The following GALNTL6 variants were observed in gnomAD, a reference collection of about 807,000 sequenced individuals.
The protein encoded by GALNTL6 is polypeptide N-acetylgalactosaminyltransferase-like 6.
Under a neutral mutation model 73.7 loss-of-function variants are expected in GALNTL6, and 46 were observed. That is an observed-to-expected ratio of 0.62 (90% confidence interval 0.49 to 0.80). The LOEUF is 0.80. Among genes scored for constraint, GALNTL6 ranks in the 30% least tolerant of loss-of-function variants. The pLI, the probability that GALNTL6 is intolerant of heterozygous loss-of-function variation, is 0.00. For missense variants in GALNTL6, 604 were observed against 755.0 expected, an observed-to-expected ratio of 0.80 and a Z score of 2.34; for synonymous variants, 259 against 263.7, an observed-to-expected ratio of 0.98 and a Z score of 0.17.
At chr4:172,279,284 T>A (rs1326093621) in intron 3 of GALNTL6, among the ~76,000 whole-genome samples, 23 of 152,104 alleles carry the variant, frequency 1.5e-4, no homozygotes. Flanking sequence ...AGGTAACCAT[T>A]GAAATGGGAG....
intron 5 of GALNTL6, among the ~76,000 whole-genome samples, chr4:172,661,347 G>T (rs979992670): frequency 9.9e-5 from 15 of 152,084 alleles, no homozygotes; most frequent in African/African-American, 3.1e-4. Context: ...TCAGATTTTG[G>T]ACTCATCAAG....
Position 172,315,205 on chromosome 4 carries a change from G to T in GALNTL6, c.386+3453G>T, listed in dbSNP as rs1740500297. On this transcript the variant is annotated intron_variant, in intron 4 of 12. Coordinates refer to ENST00000506823, the MANE Select transcript of GALNTL6 (RefSeq NM_001034845.3). ...AGCTTCTTACACTATCTGTGCTTTG[G>T]TATGTCAAATTTTTAATCTTTTTTT... 2.6e-5 allele frequency among the ~76,000 whole-genome samples: 4 copies of T among 152,120 alleles called. No individual in the cohort carries two copies. In the South Asian group the frequency reaches 8.3e-4, roughly 32 times the overall value.
At chr4:172,541,363 T>C (rs930700914) in intron 5 of GALNTL6, among the ~76,000 whole-genome samples, 4 of 152,220 alleles carry the variant, frequency 2.6e-5, no homozygotes, top group Non-Finnish European at 4.4e-5. Context: ...ATAACTATTA[T>C]TGGCAGAACA....
intron 2 of GALNTL6, among the ~76,000 whole-genome samples, chr4:171,959,675 A>G (rs1739162764): frequency 6.6e-6 from 1 of 152,122 alleles, no homozygotes; most frequent in Non-Finnish European, 1.5e-5. Context: ...ACACAGGGAG[A>G]CCCTATGTAA....
chr4:172,940,308 C>T (rs1579683725), intron 9 of GALNTL6, among the ~76,000 whole-genome samples: 1 of 151,434 alleles, frequency 6.6e-6, no homozygotes. Context: ...CATATGAACT[C>T]AAACCTAATT....
At chr4:172,919,371 C>G (rs79462090) in intron 8 of GALNTL6, among the ~76,000 whole-genome samples, 329 of 152,264 alleles carry the variant, frequency 2.2e-3, no homozygotes, top group Non-Finnish European at 3.7e-3. Context: ...CCTCCTGCCC[C>G]TCAGGCATGG....
chr4:172,286,063 A>C lies in GALNTL6; in HGVS notation c.248-25551A>C, dbSNP rs539394033. Among the ~76,000 whole-genome samples the C allele has an allele frequency of 2.6e-5, 4 of 152,336 alleles. No homozygotes were observed. The South Asian group carries it at 8.3e-4, about 32-fold the overall frequency. On this transcript the variant is annotated intron_variant, in intron 3 of 12. Coordinates refer to ENST00000506823, the MANE Select transcript of GALNTL6 (RefSeq NM_001034845.3). ...ATTGGAACCTTGGCTTCCTAAATCCAAATTCAATACTTTTTTACTATATCA... is the reference window on the plus strand; with the variant it reads ...ATTGGAACCTTGGCTTCCTAAATCCCAATTCAATACTTTTTTACTATATCA...
At chr4:171,836,934 T>C (rs1401310710) in intron 2 of GALNTL6, among the ~76,000 whole-genome samples, 1 of 152,148 alleles carries the variant, frequency 6.6e-6, no homozygotes, top group Admixed American at 6.6e-5. Context: ...GAGAAATCAA[T>C]GTGCATTCAT....
intron 2 of GALNTL6, among the ~76,000 whole-genome samples, chr4:172,217,988 A>G (rs1434002307): frequency 6.6e-6 from 1 of 152,022 alleles, no homozygotes; most frequent in East Asian, 1.9e-4. Flanking sequence ...CTTTATATAG[A>G]GGCTATGTCT....
At chr4:172,858,790 C>T (rs748576824) in intron 7 of GALNTL6, among the ~76,000 whole-genome samples, 1 of 152,042 alleles carries the variant, frequency 6.6e-6, no homozygotes, top group Non-Finnish European at 1.5e-5. Context: ...AAAATGGCCC[C>T]ACTCAAAGAT....
At chr4:172,075,257 A>AT (rs1294375105) in intron 2 of GALNTL6, among the ~76,000 whole-genome samples, 2 of 151,836 alleles carry the variant, frequency 1.3e-5, no homozygotes, top group South Asian at 2.1e-4. Flanking sequence ...ATATTATAGG[A>AT]TTTTTTTTCT....
chr4:172,133,549 T>G (rs1291134196), intron 2 of GALNTL6, among the ~76,000 whole-genome samples: 2 of 152,198 alleles, frequency 1.3e-5, no homozygotes, highest in Non-Finnish European at 2.9e-5. Context: ...GAAACACTCT[T>G]GGGTTTGTGT....
rs189282232 is a variant in GALNTL6, at chr4:173,004,154, A to C, written c.1372-5024A>C. Reference sequence around the variant, plus strand: ...AGCTGTGAACACGCCACTGCAGTCTAGCCTGGGCAACAGAGCAAGACCCTA... The same window carrying C: ...AGCTGTGAACACGCCACTGCAGTCTCGCCTGGGCAACAGAGCAAGACCCTA... On this transcript the variant is annotated intron_variant, in intron 10 of 12. Coordinates refer to ENST00000506823, the MANE Select transcript of GALNTL6 (RefSeq NM_001034845.3). Among the ~76,000 whole-genome samples the C allele has an allele frequency of 1.7e-3, 254 of 152,146 alleles. 2 individuals carry two copies. The highest frequency in any genetic ancestry group is 3.7e-3 in the Admixed American group (57 of 15,284).
intron 5 of GALNTL6, among the ~76,000 whole-genome samples, chr4:172,528,717 A>G (rs1052290247): frequency 1.3e-5 from 2 of 150,746 alleles, no homozygotes; most frequent in Non-Finnish European, 3.0e-5. Context: ...AGAATTAGAA[A>G]CACTTTTTTG....
intron 5 of GALNTL6, among the ~76,000 whole-genome samples, chr4:172,495,256 G>T (rs190806109): frequency 1.3e-5 from 2 of 152,224 alleles, no homozygotes; most frequent in African/African-American, 4.8e-5. Flanking sequence ...AAAGCAAGAA[G>T]AAAAGAGACT....
intron 5 of GALNTL6, among the ~76,000 whole-genome samples, chr4:172,701,616 G>T (rs1395325949): frequency 6.6e-6 from 1 of 152,016 alleles, no homozygotes; most frequent in South Asian, 2.1e-4. Context: ...GGCTGGTGGC[G>T]ATTTCTAGTT....
Position 172,617,867 on chromosome 4 carries a change from T to C in GALNTL6, c.554-191494T>C, listed in dbSNP as rs1738801449. ...ACCAAATGGAGTGAATGATTTCATCTTTACATAACCACCCCTTTGCTGCTA... is the reference window on the plus strand; with the variant it reads ...ACCAAATGGAGTGAATGATTTCATCCTTACATAACCACCCCTTTGCTGCTA... On this transcript the variant is annotated intron_variant, in intron 5 of 12. Coordinates refer to ENST00000506823, the MANE Select transcript of GALNTL6 (RefSeq NM_001034845.3). 1.3e-5 allele frequency among the ~76,000 whole-genome samples: 2 copies of C among 152,222 alleles called. 1 individual carries two copies. Among genetic ancestry groups the C allele is most frequent in the South Asian group, 4.1e-4 (2 of 4,832 alleles).
chr4:172,044,873 T>C (rs1436761842), intron 2 of GALNTL6, among the ~76,000 whole-genome samples: 1 of 152,000 alleles, frequency 6.6e-6, no homozygotes, highest in African/African-American at 2.4e-5. Context: ...TCTTCTTTTC[T>C]ATAAAGTATC....
At chr4:172,994,392 G>C (rs1751683932) in intron 10 of GALNTL6, among the ~76,000 whole-genome samples, 1 of 152,116 alleles carries the variant, frequency 6.6e-6, no homozygotes, top group African/African-American at 2.4e-5. Flanking sequence ...TTTAGAGCAG[G>C]AGTTAAGAAA....
Sources: allele counts gnomAD v4.1 joint callset (sites outside exome capture counted in the v4.1 genomes callset), GRCh38; gene constraint gnomAD v4.1.1; transcripts MANE v1.5; gene names NCBI Gene and HGNC (gene_info 2026-07-23, HGNC 2026-07-21).